GATA6: variants seen among roughly 807,000 people sequenced by gnomAD.
The protein encoded by GATA6 is transcription factor GATA-6.
A neutral mutation model predicts 48.1 loss-of-function variants in GATA6; 11 were observed. That is an observed-to-expected ratio of 0.23 (90% CI 0.14 to 0.38). The LOEUF is 0.38. Ranked by LOEUF, GATA6 falls within the 10% of genes least tolerant of loss-of-function variation. GATA6 has a pLI of 1.00. For synonymous variants in GATA6, 419 were observed against 396.1 expected, an observed-to-expected ratio of 1.06 and a Z score of -0.69; for missense variants, 795 against 850.3, an observed-to-expected ratio of 0.93 and a Z score of 0.81.
intron 6 of GATA6, among the ~76,000 whole-genome samples, chr18:22,196,293 C>A (rs2033388089): frequency 6.6e-6 from 1 of 152,086 alleles, no homozygotes; most frequent in Non-Finnish European, 1.5e-5. Context: ...GTCTGTCTGC[C>A]CTTTGATAGC....
At chr18:22,183,157 T>C (rs1040968467) in intron 6 of GATA6, 114 bp downstream of exon 6, 1 of 821,362 alleles carries the variant, frequency 1.2e-6, no homozygotes, top group Admixed American at 2.0e-5. Flanking sequence ...TCAGTTTAGT[T>C]AGTTGATACC....
chr18:22,196,129 A>C (rs554577517), intron 6 of GATA6, among the ~76,000 whole-genome samples: 3 of 152,212 alleles, frequency 2.0e-5, no homozygotes, highest in African/African-American at 7.2e-5. Context: ...GCAGTATTTC[A>C]TGTTTAAATA....
At chr18:22,177,258 C>T in intron 3 of GATA6, 137 bp downstream of exon 3, 1 of 767,962 alleles carries the variant, frequency 1.3e-6, no homozygotes, top group South Asian at 2.1e-5. Context: ...CCCACCCTAG[C>T]GGGGACCCAG....
intron 6 of GATA6, among the ~76,000 whole-genome samples, chr18:22,188,314 A>G (rs1042759632): frequency 3.9e-5 from 6 of 151,964 alleles, no homozygotes; most frequent in African/African-American, 1.5e-4. Flanking sequence ...ACAGGTATAG[A>G]TGTAGATCTT....
chr18:22,193,039 G>A (rs917241452), intron 6 of GATA6, among the ~76,000 whole-genome samples: 7 of 152,214 alleles, frequency 4.6e-5, no homozygotes, highest in African/African-American at 1.7e-4. Context: ...TAGAAGGGGC[G>A]AGAGGGGTAT....
chr18:22,200,955 G>A lies in GATA6; in HGVS notation c.*132G>A. ...ATTCTCGTGCCTTTATTTTGAAAGA[G>A]ATGTTTTTCCCAAGAGGCTTGCTGA... On this transcript the variant is annotated 3_prime_UTR_variant, in exon 7 of 7. Transcript: ENST00000269216. The A allele has an allele frequency of 9.5e-7, 1 of 1,050,110 alleles. No homozygotes were observed. The allele number at this position is 1,050,110 out of a possible 1,614,324, so 65.0% of individuals were successfully genotyped here.
chr18:22,169,898 A>G (rs1479962426), intron 1 of GATA6, among the ~76,000 whole-genome samples: 2 of 152,142 alleles, frequency 1.3e-5, no homozygotes, highest in South Asian at 4.1e-4. Flanking sequence ...CGAAGCGCTT[A>G]TCTGCGCGCA....
intron 5 of GATA6, 38 bp downstream of exon 5, chr18:22,182,882 T>C: frequency 6.3e-7 from 1 of 1,598,240 alleles, no homozygotes; most frequent in Non-Finnish European, 8.6e-7. Context: ...GTAAAGTATT[T>C]GCCAACCTTA....
rs755208441 is a variant in GATA6 at position 22,196,741 on chromosome 18, C to CAAA, written c.1621-3912_1621-3910dup. 1.1e-3 allele frequency among the ~76,000 whole-genome samples: 157 copies of CAAA among 148,614 alleles called. 1 individual carries two copies. The highest frequency in any genetic ancestry group is 4.0e-3 in the African/African-American group (153 of 38,404). ...TGGATGACAGAGCAAGACCCTGTCT[C>CAAA]AAAAATAAAAAATAAAATAAAAAAG... On this transcript the variant is annotated intron_variant, in intron 6 of 6. Transcript: ENST00000269216.
chr18:22,170,957 A>G lies in GATA6; in HGVS notation c.-37-151A>G. ...TATTGATCTCCACGCCCGGGGCAGA[A>G]ATAGGATCTTTGAGAAGTCTCAAAT... On this transcript the variant is annotated intron_variant, in intron 1 of 6. Coordinates refer to ENST00000269216, the MANE Select transcript of GATA6 (RefSeq NM_005257.6). The surrounding 1 kb of genome is among the most constrained non-coding windows in gnomAD (Gnocchi z 6.7). The G allele has an allele frequency of 1.6e-6, 1 of 620,160 alleles. No individual in the cohort carries two copies. The allele number at this position is 620,160 out of a possible 1,614,324, so 38.4% of individuals were successfully genotyped here.
chr18:22,200,474 C>T (rs1598743569), intron 6 of GATA6, 182 bp from the exon 7 acceptor site: 1 of 756,152 alleles, frequency 1.3e-6, no homozygotes, highest in East Asian at 2.5e-5. Flanking sequence ...AGGGAAAGGC[C>T]CCCACTTGCT....
intron 2 of GATA6, chr18:22,176,412 T>C (rs896847900): frequency 2.0e-5 from 3 of 152,296 alleles, no homozygotes; most frequent in African/African-American, 7.2e-5. Flanking sequence ...TGTGTATCTT[T>C]AATTGGAGAA....
chr18:22,172,387 G>A lies in GATA6; in HGVS notation c.1135+108G>A. 1 of 1,458,360 alleles carries A rather than the reference G, an allele frequency of 6.9e-7. No individual in the cohort carries two copies. Among genetic ancestry groups the A allele is most frequent in the South Asian group, 1.4e-5 (1 of 73,162 alleles). 90.3% of individuals were successfully genotyped at this position (1,458,360 alleles called of 1,614,324 possible). A position where few individuals can be genotyped will look rare whatever the true frequency, so the allele number is the denominator to read the frequency against. On this transcript the variant is annotated intron_variant, in intron 2 of 6. Transcript: ENST00000269216. The surrounding 1 kb of genome is among the most constrained non-coding windows in gnomAD (Gnocchi z 5.2). ...CCCTGTTTTCAGGACTTTCTCGTCC[G>A]GGTGCGCGGAGGTCGGCCTGGTCCC...
rs1328388869 is a variant in GATA6 at position 22,201,940 on chromosome 18, C to A, written c.*1117C>A. 2 of 152,036 alleles carry A rather than the reference C, an allele frequency of 1.3e-5. No individual in the cohort carries two copies. The highest frequency in any genetic ancestry group is 3.9e-4 in the East Asian group (2 of 5,186). 9.4% of individuals were successfully genotyped at this position (152,036 alleles called of 1,614,324 possible). A position where few individuals can be genotyped will look rare whatever the true frequency, so the allele number is the denominator to read the frequency against. ...GGATGTCCTATGGAAACCTATTTCA[C>A]CAGAGTTTTAAAAATAAAAAGGGTA... On this transcript the variant is annotated 3_prime_UTR_variant, in exon 7 of 7. Transcript: ENST00000269216.
chr18:22,189,242 T>C (rs1300984326), intron 6 of GATA6, among the ~76,000 whole-genome samples: 1 of 152,236 alleles, frequency 6.6e-6, no homozygotes, highest in African/African-American at 2.4e-5. Flanking sequence ...ACAGCAGTGA[T>C]CTAGAGACTG....
intron 3 of GATA6, among the ~76,000 whole-genome samples, chr18:22,178,489 T>C (rs749845476): frequency 6.6e-5 from 10 of 152,352 alleles, no homozygotes; most frequent in Middle Eastern, 3.4e-3. Context: ...ACGTCTTAAG[T>C]ATCCCAGTAA....
Position 22,171,015 on chromosome 18 carries a change from T to C in GATA6, c.-37-93T>C, listed in dbSNP as rs1598733558. On this transcript the variant is annotated intron_variant, in intron 1 of 6. Coordinates refer to ENST00000269216, the MANE Select transcript of GATA6 (RefSeq NM_005257.6). This position sits in a 1 kb window ranked among gnomAD's most constrained non-coding sequence, Gnocchi z 7.1. Reference sequence around the variant, plus strand: ...TTGAGAAGTCAGATCCCATTTGAACTAGAAAAAGGAGTGGAGGCGAGGTAG... The same window carrying C: ...TTGAGAAGTCAGATCCCATTTGAACCAGAAAAAGGAGTGGAGGCGAGGTAG... 1.3e-6 allele frequency: 1 copy of C among 748,150 alleles called. No homozygotes were observed. Among genetic ancestry groups the C allele is most frequent in the Non-Finnish European group, 2.3e-6 (1 of 433,076 alleles). The allele number at this position is 748,150 out of a possible 1,614,324, so 46.3% of individuals were successfully genotyped here.
chr18:22,196,192 G>T (rs1164087668), intron 6 of GATA6, among the ~76,000 whole-genome samples: 1 of 152,118 alleles, frequency 6.6e-6, no homozygotes, highest in Non-Finnish European at 1.5e-5. Context: ...ACAAATACTT[G>T]CCCCATTTTT....
intron 6 of GATA6, among the ~76,000 whole-genome samples, chr18:22,191,916 A>C (rs924918449): frequency 1.3e-5 from 2 of 152,216 alleles, no homozygotes; most frequent in African/African-American, 4.8e-5. Flanking sequence ...TTAAATCATG[A>C]TCCGACTTGA....
Sources: allele counts gnomAD v4.1 joint callset (sites outside exome capture counted in the v4.1 genomes callset), GRCh38; gene constraint gnomAD v4.1.1; non-coding constraint Gnocchi (gnomAD v3.1); transcripts MANE v1.5; gene names NCBI Gene and HGNC (gene_info 2026-07-23, HGNC 2026-07-21).